Variants in AFF3 observed in about 807,000 individuals in gnomAD.
The protein encoded by AFF3 is ALF transcription elongation factor 3.
A neutral mutation model predicts 129.7 loss-of-function variants in AFF3; 32 were observed. The observed-to-expected ratio is 0.25, with a 90% CI of 0.19 to 0.33. AFF3 has a LOEUF of 0.33. Ranked by LOEUF, AFF3 falls within the 10% of genes least tolerant of loss-of-function variation. The pLI is 1.00. For synonymous variants in AFF3, 644 were observed against 635.4 expected (o/e 1.01, Z -0.20); for missense variants, 1,373 against 1,592.0 (o/e 0.86, Z 2.34).
chr2:100,005,061 T>C (rs1052263771), intron 7 of AFF3, among the ~76,000 whole-genome samples: 7 of 152,118 alleles, frequency 4.6e-5, no homozygotes, highest in African/African-American at 1.7e-4. Flanking sequence ...TCAGCGTGAG[T>C]CTCTGTCTGA....
chr2:99,968,051 T>C (rs1435119356), intron 7 of AFF3, among the ~76,000 whole-genome samples: 1 of 152,238 alleles, frequency 6.6e-6, no homozygotes, highest in Non-Finnish European at 1.5e-5. Flanking sequence ...CTGTGTTCCC[T>C]GACCACAAAA....
rs1436498219 is a variant in AFF3 at position 100,007,339 on chromosome 2, C to T, written c.296G>A (p.Gly99Glu). The change falls in exon 6 of 25, where the codon GGG becomes GAG. Residue 99 changes from glycine (G) to glutamate (E), a missense_variant. Around this residue, in one of 9 missense-constraint regions of AFF3, gnomAD observed 255 missense variants for 256.0 expected, o/e 1.00. Transcript: ENST00000672756. ...CTTGTTCACAGGAGTCTGAGGAACC[C>T]CAGGTTTGGGAACTCCAACGAGATG... ...QSHLVGVPKP[G>E]VPQTPVNKID... 6.2e-7 allele frequency: 1 copy of T among 1,613,940 alleles called. No individual in the cohort carries two copies. Among genetic ancestry groups the T allele is most frequent in the African/African-American group, 1.3e-5 (1 of 74,946 alleles).
chr2:99,626,535 CCTCCCTT>C (rs144456027), intron 13 of AFF3, among the ~76,000 whole-genome samples: 45,241 of 129,382 alleles, frequency 0.35, 8,411 homozygotes, highest in Non-Finnish European at 0.39. Context: ...TTCCTTCCTC[CCTCCCTT>C]CTCCCTTCTC....
At chr2:99,930,259 T>A (rs1696578329) in intron 7 of AFF3, among the ~76,000 whole-genome samples, 1 of 152,202 alleles carries the variant, frequency 6.6e-6, no homozygotes, top group South Asian at 2.1e-4. Flanking sequence ...GCTGAACAGC[T>A]GGTCCCCTTC....
intron 8 of AFF3, among the ~76,000 whole-genome samples, chr2:99,827,620 C>A (rs1384223443): frequency 1.3e-5 from 2 of 151,550 alleles, no homozygotes; most frequent in Admixed American, 1.3e-4. Context: ...GAAGAAAGAG[C>A]TGCAAGCAAT....
rs1674336045 is a variant in AFF3, at chr2:99,550,558, C to T, written c.*916G>A. On this transcript the variant is annotated 3_prime_UTR_variant, in exon 25 of 25. Coordinates refer to ENST00000672756, the MANE Select transcript of AFF3 (RefSeq NM_001386135.1). ...CTTGAAACAGATTGGCTGACAAATGCCATGTGGCTCTACAGCCACCGAGTC... is the reference window on the plus strand; with the variant it reads ...CTTGAAACAGATTGGCTGACAAATGTCATGTGGCTCTACAGCCACCGAGTC... 4.3e-6 allele frequency: 1 copy of T among 232,534 alleles called. No individual in the cohort carries two copies. The highest frequency in any genetic ancestry group is 6.1e-5 in the East Asian group (1 of 16,496). 14.4% of individuals were successfully genotyped at this position (232,534 alleles called of 1,614,324 possible).
intron 10 of AFF3, among the ~76,000 whole-genome samples, chr2:99,731,322 C>A (rs969487781): frequency 6.6e-6 from 1 of 152,174 alleles, no homozygotes; most frequent in Non-Finnish European, 1.5e-5. Flanking sequence ...ATATGAAAGA[C>A]AAGAGGCAAG....
At chr2:99,578,124 A>G (rs1677166767) in intron 18 of AFF3, among the ~76,000 whole-genome samples, 1 of 152,138 alleles carries the variant, frequency 6.6e-6, no homozygotes, top group African/African-American at 2.4e-5. Flanking sequence ...CGTCTACCCA[A>G]AAACCCCACC....
intron 4 of AFF3, among the ~76,000 whole-genome samples, chr2:100,090,397 A>T (rs1689754626): frequency 6.6e-6 from 1 of 152,228 alleles, no homozygotes; most frequent in Admixed American, 6.5e-5. Flanking sequence ...TAGAGGTTTT[A>T]TGGAGTATAC....
chr2:99,714,914 T>A (rs758533397), intron 11 of AFF3, among the ~76,000 whole-genome samples: 1 of 152,224 alleles, frequency 6.6e-6, no homozygotes, highest in Non-Finnish European at 1.5e-5. Flanking sequence ...GCACTTTGCA[T>A]GTTTCTATAT....
intron 7 of AFF3, among the ~76,000 whole-genome samples, chr2:99,973,021 T>C (rs1229064836): frequency 1.3e-5 from 2 of 152,216 alleles, no homozygotes; most frequent in African/African-American, 4.8e-5. Context: ...TTACTGGGCA[T>C]AATAGTAGGC....
intron 8 of AFF3, among the ~76,000 whole-genome samples, chr2:99,784,135 G>A (rs116571876): frequency 6.6e-6 from 1 of 152,146 alleles, no homozygotes; most frequent in Non-Finnish European, 1.5e-5. Context: ...TTAGCAGGGG[G>A]GTTAAGACCC....
chr2:99,782,931 C>G (rs1684516722), intron 8 of AFF3, among the ~76,000 whole-genome samples: 1 of 152,166 alleles, frequency 6.6e-6, no homozygotes, highest in African/African-American at 2.4e-5. Context: ...TAGTTTTAAA[C>G]ATCCAAAAAG....
At chr2:99,807,502 T>C (rs956100324) in intron 8 of AFF3, among the ~76,000 whole-genome samples, 4 of 152,192 alleles carry the variant, frequency 2.6e-5, no homozygotes, top group Non-Finnish European at 5.9e-5. Context: ...TGAGTCCCAA[T>C]TCATAAATTC....
At chr2:99,959,936 T>C (rs62149270) in intron 7 of AFF3, among the ~76,000 whole-genome samples, 14,186 of 152,048 alleles carry the variant, frequency 0.093, 906 homozygotes, top group Non-Finnish European at 0.13. Flanking sequence ...ACAGATATTT[T>C]AACAGTAACC....
At chr2:99,970,760 T>C (rs1001361766) in intron 7 of AFF3, among the ~76,000 whole-genome samples, 1 of 152,160 alleles carries the variant, frequency 6.6e-6, no homozygotes, top group African/African-American at 2.4e-5. Flanking sequence ...CCTCCTGCTC[T>C]TTCTTCTCTA....
At chr2:99,670,470 T>C (rs1173115355) in intron 12 of AFF3, among the ~76,000 whole-genome samples, 1 of 152,136 alleles carries the variant, frequency 6.6e-6, no homozygotes, top group African/African-American at 2.4e-5. Context: ...TCTGATTACA[T>C]CTAGAAAAAT....
intron 11 of AFF3, among the ~76,000 whole-genome samples, chr2:99,691,216 C>T (rs1675620942): frequency 6.6e-6 from 1 of 152,128 alleles, no homozygotes; most frequent in African/African-American, 2.4e-5. Flanking sequence ...AAGGCTGGAC[C>T]CAAACCAGGC....
At chr2:100,034,010 C>CA (rs1684718007) in intron 4 of AFF3, among the ~76,000 whole-genome samples, 1 of 152,086 alleles carries the variant, frequency 6.6e-6, no homozygotes, top group Non-Finnish European at 1.5e-5. Context: ...ATTTAATTCT[C>CA]AATAAGAACC....
Sources: allele counts gnomAD v4.1 joint callset (sites outside exome capture counted in the v4.1 genomes callset), GRCh38; gene constraint gnomAD v4.1.1; regional missense constraint gnomAD v4.1.1; transcripts MANE v1.5; gene names NCBI Gene and HGNC (gene_info 2026-07-23, HGNC 2026-07-21).